Variants in PTPRS observed in about 807,000 individuals in gnomAD.
The protein encoded by PTPRS is receptor-type tyrosine-protein phosphatase S.
In PTPRS, 63 loss-of-function variants were observed where a neutral mutation model predicts 215.3. The ratio of observed to expected loss-of-function variants is 0.29; its 90% CI spans 0.24 to 0.36. The LOEUF (loss-of-function observed/expected upper bound fraction) is 0.36, where lower values mean the gene tolerates loss of function less well. PTPRS is among the 10% of genes least tolerant of loss of function. PTPRS has a pLI of 1.00. For missense variants in PTPRS, 2,258 were observed against 2,825.8 expected (o/e 0.80, Z 4.56); for synonymous variants, 1,404 against 1,191.4 (o/e 1.18, Z -3.68).
At chr19:5,322,508 G>A (rs1010046284) in intron 1 of PTPRS, among the ~76,000 whole-genome samples, 2 of 152,074 alleles carry the variant, frequency 1.3e-5, no homozygotes, top group African/African-American at 2.4e-5. Context: ...CCGACTGGCC[G>A]ACTCCCGGGT....
chr19:5,237,377 C>G lies in PTPRS; in HGVS notation c.1849+1542G>C, dbSNP rs2145803032. The stretch of plus-strand genomic sequence containing the variant: ...GTCTCGGGGCAAGAAGCGGGGAGTC[C>G]CTTCTCCCCAACTCCCTGTCCTGGG... On this transcript the variant is annotated intron_variant, in intron 13 of 37. Coordinates refer to ENST00000262963, the MANE Select transcript of PTPRS (RefSeq NM_002850.4). This position sits in a 1 kb window ranked among gnomAD's most constrained non-coding sequence, Gnocchi z 4.2. Among the ~76,000 whole-genome samples the G allele has an allele frequency of 6.6e-6, 1 of 152,346 alleles. No individual in the cohort carries two copies. Among genetic ancestry groups the G allele is most frequent in the Middle Eastern group, 3.4e-3 (1 of 294 alleles).
In PTPRS at chr19:5,339,400, G is replaced by A; in HGVS notation, c.-95+1264C>T. ...TGAGACTGGGGAAAGAGGGTCAACC[G>A]AAGAAGGAGGTCCCAGATTTGGGGC... On this transcript the variant is annotated intron_variant, in intron 1 of 37. Transcript: ENST00000262963. This position sits in a 1 kb window ranked among gnomAD's most constrained non-coding sequence, Gnocchi z 4.2. Among the ~76,000 whole-genome samples the A allele has an allele frequency of 6.6e-6, 1 of 151,096 alleles. No homozygotes were observed. The highest frequency in any genetic ancestry group is 6.6e-5 in the Admixed American group (1 of 15,224).
In PTPRS at chr19:5,287,323, C is replaced by T. The variant is rs543429671; in HGVS notation, c.-94-1089G>A. On this transcript the variant is annotated intron_variant, in intron 1 of 37. Transcript: ENST00000262963. The surrounding 1 kb of genome is among the most constrained non-coding windows in gnomAD (Gnocchi z 4.8). Reference sequence around the variant, plus strand: ...ATCAGATATGACTAAGGTTATCCTCCGTGGTATTCACCCTGGTTCCCAAAC... The same window carrying T: ...ATCAGATATGACTAAGGTTATCCTCTGTGGTATTCACCCTGGTTCCCAAAC... Among the ~76,000 whole-genome samples the T allele has an allele frequency of 4.6e-5, 7 of 152,294 alleles. No individual in the cohort carries two copies. The highest frequency in any genetic ancestry group is 1.4e-4 in the African/African-American group (6 of 41,544).
chr19:5,211,682 G>A lies in PTPRS; in HGVS notation c.5142C>T (p.Ile1714=), dbSNP rs761077854. Residue 1714 remains isoleucine (I), a synonymous_variant, in exon 33 of 38, where the codon ATC becomes ATT. Transcript: ENST00000262963. ...CNKFKNRLVN[I]MPYESTRVCL... is the part of the protein sequence containing the mutation. The stretch of plus-strand genomic sequence containing the variant: ...AGACCCGTGTGCTCTCATAGGGCAT[G>A]ATGTTCACCAGGCGGTTCTTGAACT... 1 of 1,614,190 alleles carries A rather than the reference G, an allele frequency of 6.2e-7. No individual in the cohort carries two copies. Among genetic ancestry groups the A allele is most frequent in the Non-Finnish European group, 8.5e-7 (1 of 1,180,032 alleles).
At chr19:5,236,031 G>A (rs1460890748) in intron 13 of PTPRS, among the ~76,000 whole-genome samples, 4 of 152,182 alleles carry the variant, frequency 2.6e-5, no homozygotes, top group Non-Finnish European at 5.9e-5. Flanking sequence ...TTTAATGCAT[G>A]CATTATCTCA....
chr19:5,340,570 G>A (rs1434787729), intron 1 of PTPRS, 94 bp downstream of exon 1: 8 of 151,114 alleles, frequency 5.3e-5, no homozygotes, highest in African/African-American at 9.7e-5. Flanking sequence ...CAAAGCCGGC[G>A]CGCTGCCCAC....
intron 1 of PTPRS, among the ~76,000 whole-genome samples, chr19:5,308,732 T>G (rs1292959169): frequency 6.6e-6 from 1 of 151,986 alleles, no homozygotes; most frequent in Non-Finnish European, 1.5e-5. Flanking sequence ...GGGAGAGAGA[T>G]TATATATTCA....
intron 17 of PTPRS, among the ~76,000 whole-genome samples, chr19:5,224,410 T>G (rs2042290693): frequency 6.6e-6 from 1 of 152,146 alleles, no homozygotes; most frequent in Admixed American, 6.5e-5. Flanking sequence ...CCTGCCTTGT[T>G]GATTTGGCCC....
chr19:5,327,525 A>G (rs144386957), intron 1 of PTPRS, among the ~76,000 whole-genome samples: 44 of 152,224 alleles, frequency 2.9e-4, no homozygotes, highest in South Asian at 1.0e-3. Context: ...CCCCTGGCCC[A>G]TTCCTGGTGA....
At chr19:5,288,572 G>T (rs897091204) in intron 1 of PTPRS, among the ~76,000 whole-genome samples, 1 of 152,190 alleles carries the variant, frequency 6.6e-6, no homozygotes, top group African/African-American at 2.4e-5. Flanking sequence ...TGACCACAGC[G>T]GCTGGCCCTG....
At chr19:5,218,836 A>G (rs1036980295) in intron 23 of PTPRS, 38 bp from the exon 24 acceptor site, 3 of 1,574,234 alleles carry the variant, frequency 1.9e-6, no homozygotes, top group Non-Finnish European at 2.6e-6. Flanking sequence ...AAGGGGGAAA[A>G]AAAGAAGAAA....
At chr19:5,225,552 G>T (rs956894541) in intron 17 of PTPRS, among the ~76,000 whole-genome samples, 175 bp downstream of exon 17, 1 of 151,430 alleles carries the variant, frequency 6.6e-6, no homozygotes, top group Non-Finnish European at 1.5e-5. Flanking sequence ...GGCGGGGGGG[G>T]CCAAGCTGGG....
At chr19:5,326,154 C>A (rs1372876501) in intron 1 of PTPRS, among the ~76,000 whole-genome samples, 2 of 152,174 alleles carry the variant, frequency 1.3e-5, no homozygotes, top group African/African-American at 4.8e-5. Flanking sequence ...TCGCTTGAAC[C>A]CGGGAGGTGG....
At chr19:5,300,763 G>A (rs11085124) in intron 1 of PTPRS, among the ~76,000 whole-genome samples, 28,408 of 103,478 alleles carry the variant, frequency 0.27, 3,131 homozygotes, top group Middle Eastern at 0.4. Context: ...ACAAGACTCC[G>A]TCTCAAAAAA....
At chr19:5,262,937 T>C in intron 6 of PTPRS, 27 bp downstream of exon 6, 1 of 1,575,664 alleles carries the variant, frequency 6.3e-7, no homozygotes, top group East Asian at 2.3e-5. Context: ...GCGTTAGTTG[T>C]TGACGTGGTG....
chr19:5,274,627 CAG>C (rs1192975261), intron 2 of PTPRS, among the ~76,000 whole-genome samples: 1 of 43,028 alleles, frequency 2.3e-5, no homozygotes. Context: ...CACACCTGCT[CAG>C]ACACAGTGGA....
intron 30 of PTPRS, among the ~76,000 whole-genome samples, chr19:5,213,800 C>A (rs890500477): frequency 2.6e-5 from 4 of 152,308 alleles, no homozygotes; most frequent in Non-Finnish European, 5.9e-5. Flanking sequence ...AGTAGCACCT[C>A]CCCTCCCCAT....
intron 1 of PTPRS, among the ~76,000 whole-genome samples, chr19:5,316,000 T>C (rs2049865017): frequency 6.7e-6 from 1 of 149,948 alleles, no homozygotes; most frequent in South Asian, 2.1e-4. Flanking sequence ...CTGCCTAGTC[T>C]AGAGCTCCTG....
intron 9 of PTPRS, among the ~76,000 whole-genome samples, chr19:5,250,612 C>T (rs1235988583): frequency 2.8e-5 from 1 of 36,284 alleles, no homozygotes; most frequent in Non-Finnish European, 6.0e-5. Context: ...GCCGGGGGGT[C>T]CCAGCGGGGG....
Sources: gnomAD v4.1 joint callset for allele counts (sites outside exome capture counted in the v4.1 genomes callset) on GRCh38, gnomAD v4.1.1 for gene constraint, Gnocchi (gnomAD v3.1) non-coding constraint, MANE v1.5 for transcripts, NCBI Gene and HGNC (gene_info 2026-07-23, HGNC 2026-07-21) for gene names.